HDAC4: variants seen among roughly 807,000 people sequenced by gnomAD.
HDAC4 encodes histone deacetylase 4, also known as histone deacetylase A.
HDAC4 carries 16 observed loss-of-function variants against 135.1 expected under a neutral mutation model. The ratio of observed to expected loss-of-function variants is 0.12; its 90% CI spans 0.08 to 0.18. HDAC4 has a LOEUF of 0.18. Among genes scored for constraint, HDAC4 ranks in the 10% least tolerant of loss-of-function variants. The pLI is 1.00. For missense variants in HDAC4, 1,143 were observed against 1,511.8 expected, an observed-to-expected ratio of 0.76 and a Z score of 4.05; for synonymous variants, 685 against 653.4, an observed-to-expected ratio of 1.05 and a Z score of -0.74.
chr2:239,085,219 G>A (rs1206611294), intron 19 of HDAC4, among the ~76,000 whole-genome samples: 1 of 152,026 alleles, frequency 6.6e-6, no homozygotes, highest in Non-Finnish European at 1.5e-5. Flanking sequence ...CATCTCAGTT[G>A]CTTCCTGCTG....
chr2:239,114,085 T>G (rs925591472), intron 13 of HDAC4, among the ~76,000 whole-genome samples: 1 of 152,180 alleles, frequency 6.6e-6, no homozygotes, highest in Non-Finnish European at 1.5e-5. Context: ...GGCCCCACAC[T>G]GATTCATTCA....
At chr2:239,287,494 A>G (rs2051203860) in intron 2 of HDAC4, among the ~76,000 whole-genome samples, 1 of 152,230 alleles carries the variant, frequency 6.6e-6, no homozygotes. Flanking sequence ...TGGGATGGAA[A>G]TGAAAATGCT....
intron 3 of HDAC4, among the ~76,000 whole-genome samples, chr2:239,205,011 C>T (rs999359989): frequency 1.2e-4 from 18 of 152,218 alleles, no homozygotes; most frequent in African/African-American, 4.3e-4. Flanking sequence ...TCCCCACCTT[C>T]CCCCGTCCCC....
At chr2:239,149,478 T>G (rs1460502038) in intron 7 of HDAC4, among the ~76,000 whole-genome samples, 1 of 151,950 alleles carries the variant, frequency 6.6e-6, no homozygotes, top group Non-Finnish European at 1.5e-5. Context: ...GCAAACAACA[T>G]ATAAACAGTA....
intron 1 of HDAC4, among the ~76,000 whole-genome samples, chr2:239,383,454 G>A (rs540539635): frequency 3.3e-5 from 5 of 152,370 alleles, no homozygotes; most frequent in Admixed American, 1.3e-4. Flanking sequence ...GGCAGGGGCA[G>A]GGGTGGCAGA....
At chr2:239,326,298 G>A (rs1474156747) in intron 2 of HDAC4, among the ~76,000 whole-genome samples, 1 of 152,196 alleles carries the variant, frequency 6.6e-6, no homozygotes, top group Non-Finnish European at 1.5e-5. Context: ...ATTCACAGAA[G>A]GGCCCTAGAG....
At chr2:239,093,879 G>A (rs2036745791) in intron 17 of HDAC4, 1 of 926,992 alleles carries the variant, frequency 1.1e-6, no homozygotes, top group Non-Finnish European at 1.3e-6. Flanking sequence ...CCCAAATTAA[G>A]AGATTGCAGC....
At chr2:239,124,735 CTG>C (rs1559475427) in intron 12 of HDAC4, among the ~76,000 whole-genome samples, 2 of 130,434 alleles carry the variant, frequency 1.5e-5, no homozygotes. Flanking sequence ...TGGCGTGTGG[CTG>C]CGTTATATGA....
Position 239,382,190 on chromosome 2 carries a change from C to G in HDAC4, c.-220+18788G>C, listed in dbSNP as rs143602238. Among the ~76,000 whole-genome samples, 638 of 152,348 alleles carry G rather than the reference C, an allele frequency of 4.2e-3. 6 individuals are homozygous for G. Among genetic ancestry groups the G allele is most frequent in the South Asian group, 0.037 (179 of 4,828 alleles). On this transcript the variant is annotated intron_variant, in intron 1 of 26. Coordinates refer to ENST00000543185, the MANE Select transcript of HDAC4 (RefSeq NM_001378414.1). ...CCACGTAACAGATTAAAATTAGGCA[C>G]GCTAATTGTTAAACTGTCGCTGCAG...
At chr2:239,358,989 G>A (rs963393585) in intron 1 of HDAC4, among the ~76,000 whole-genome samples, 1 of 152,132 alleles carries the variant, frequency 6.6e-6, no homozygotes, top group Non-Finnish European at 1.5e-5. Context: ...TGTATTTCAT[G>A]TTGAGTTCCC....
At chr2:239,202,971 C>T (rs1341665346) in intron 3 of HDAC4, among the ~76,000 whole-genome samples, 1 of 152,178 alleles carries the variant, frequency 6.6e-6, no homozygotes, top group Non-Finnish European at 1.5e-5. Context: ...ATCGCCGCAC[C>T]TGGATGTAGG....
At chr2:239,130,752 T>G (rs1391882130) in intron 11 of HDAC4, among the ~76,000 whole-genome samples, 1 of 152,016 alleles carries the variant, frequency 6.6e-6, no homozygotes, top group Non-Finnish European at 1.5e-5. Flanking sequence ...TCTCCAGCCT[T>G]CTCCTCCACA....
intron 2 of HDAC4, among the ~76,000 whole-genome samples, chr2:239,239,099 T>C (rs1319077764): frequency 6.6e-6 from 1 of 152,164 alleles, no homozygotes; most frequent in African/African-American, 2.4e-5. Flanking sequence ...GGGCGTCCAA[T>C]GATCCAGTTC....
Position 239,167,072 on chromosome 2 carries a change from C to T in HDAC4, c.491-3149G>A, listed in dbSNP as rs1174147483. On this transcript the variant is annotated intron_variant, in intron 5 of 26. Coordinates refer to ENST00000543185, the MANE Select transcript of HDAC4 (RefSeq NM_001378414.1). The surrounding 1 kb of genome is among the most constrained non-coding windows in gnomAD (Gnocchi z 4.1). ...GGAGGGGACTGCCCTGCAGGTCCCC[C>T]TACATGGCCGTCCTTGAGTGGAGGC... Among the ~76,000 whole-genome samples, 1 of 151,622 alleles carries T rather than the reference C, an allele frequency of 6.6e-6. No homozygotes were observed. The highest frequency in any genetic ancestry group is 1.5e-5 in the Non-Finnish European group (1 of 67,928).
intron 4 of HDAC4, among the ~76,000 whole-genome samples, chr2:239,180,178 A>C (rs115177314): frequency 0.015 from 2,220 of 152,022 alleles, 64 homozygotes; most frequent in African/African-American, 0.051. Context: ...GGTGGCCACC[A>C]CACCCTCTCC....
chr2:239,280,402 C>T (rs1475388371), intron 2 of HDAC4, among the ~76,000 whole-genome samples: 1 of 152,158 alleles, frequency 6.6e-6, no homozygotes, highest in Admixed American at 6.5e-5. Flanking sequence ...TTCTGGGAAG[C>T]CAGCTCCACT....
At chr2:239,176,642 C>T (rs1289441357) in intron 4 of HDAC4, 79 bp from the exon 5 acceptor site, 14 of 1,359,354 alleles carry the variant, frequency 1.0e-5, no homozygotes, top group Non-Finnish European at 1.3e-5. Context: ...ACCCAAGAAA[C>T]CAGCCCAGGC....
intron 3 of HDAC4, among the ~76,000 whole-genome samples, chr2:239,224,384 C>T (rs1265876507): frequency 6.6e-6 from 1 of 152,210 alleles, no homozygotes; most frequent in African/African-American, 2.4e-5. Context: ...CACGTGGTGT[C>T]GCTTCTCTGC....
intron 7 of HDAC4, among the ~76,000 whole-genome samples, chr2:239,152,128 C>T (rs1034467476): frequency 1.3e-5 from 2 of 152,154 alleles, no homozygotes; most frequent in African/African-American, 4.8e-5. Flanking sequence ...ACTAAGATCC[C>T]TCAACATCAT....
Sources: allele counts gnomAD v4.1 joint callset (sites outside exome capture counted in the v4.1 genomes callset), GRCh38; gene constraint gnomAD v4.1.1; non-coding constraint Gnocchi (gnomAD v3.1); transcripts MANE v1.5; gene names NCBI Gene and HGNC (gene_info 2026-07-23, HGNC 2026-07-21).